PPWD1: variants seen among roughly 807,000 people sequenced by gnomAD.
PPWD1 encodes peptidylprolyl isomerase domain and WD repeat containing 1.
Under a neutral mutation model 68.8 loss-of-function variants are expected in PPWD1, and 43 were observed. That is an observed-to-expected ratio of 0.62 (90% CI 0.49 to 0.81). The LOEUF is 0.81. Ranked by LOEUF, PPWD1 falls within the 30% of genes least tolerant of loss-of-function variation. PPWD1 has a pLI of 0.00. For missense variants in PPWD1, 672 were observed against 804.8 expected (o/e 0.83, Z 2.00); for synonymous variants, 232 against 258.7 (o/e 0.90, Z 0.99).
At chr5:65,574,635 T>C (rs1455520504) in intron 5 of PPWD1, among the ~76,000 whole-genome samples, 1 of 151,404 alleles carries the variant, frequency 6.6e-6, no homozygotes, top group African/African-American at 2.4e-5. Flanking sequence ...GGCTAATTTT[T>C]TGTATTTTTA....
intron 6 of PPWD1, 37 bp from the exon 7 acceptor site, chr5:65,579,387 G>T: frequency 7.1e-7 from 1 of 1,413,392 alleles, no homozygotes; most frequent in Non-Finnish European, 9.3e-7. Flanking sequence ...AATTAACTTC[G>T]GTGATTCTGT....
intron 1 of PPWD1, chr5:65,563,947 T>G: frequency 9.5e-7 from 1 of 1,051,032 alleles, no homozygotes; most frequent in Middle Eastern, 2.0e-4. Flanking sequence ...CGAATCATGG[T>G]AGGTAAAGAT....
intron 7 of PPWD1, among the ~76,000 whole-genome samples, chr5:65,581,777 T>C (rs74323754): frequency 1.8e-3 from 274 of 152,332 alleles, no homozygotes; most frequent in African/African-American, 5.8e-3. Flanking sequence ...ACTGTAGCTT[T>C]ATACAGCTAA....
chr5:65,587,542 A>G lies in PPWD1; in HGVS notation c.*146A>G. 2.9e-6 allele frequency: 2 copies of G among 682,634 alleles called. No homozygotes were observed. The highest frequency in any genetic ancestry group is 4.4e-6 in the Non-Finnish European group (2 of 454,776). The allele number at this position is 682,634 out of a possible 1,614,324, so 42.3% of individuals were successfully genotyped here. A position where few individuals can be genotyped will look rare whatever the true frequency, so the allele number is the denominator to read the frequency against. ...TATTTTTTATTAAAGGCTATTTTTT[A>G]AAAATTACCTTTGACTTTTCTCGCA... On this transcript the variant is annotated 3_prime_UTR_variant, in exon 11 of 11. Coordinates refer to ENST00000261308, the MANE Select transcript of PPWD1 (RefSeq NM_015342.4).
At chr5:65,581,207 C>T (rs559329499) in intron 7 of PPWD1, among the ~76,000 whole-genome samples, 1 of 152,128 alleles carries the variant, frequency 6.6e-6, no homozygotes, top group African/African-American at 2.4e-5. Context: ...AAAATTATTA[C>T]TAAAAATTTA....
intron 7 of PPWD1, among the ~76,000 whole-genome samples, chr5:65,581,359 G>C (rs1345172664): frequency 5.9e-5 from 9 of 152,116 alleles, no homozygotes; most frequent in Non-Finnish European, 1.0e-4. Flanking sequence ...GGCCCAAGCA[G>C]AAAGATCATT....
chr5:65,584,342 T>A (rs1467745684), intron 8 of PPWD1, among the ~76,000 whole-genome samples: 2 of 152,152 alleles, frequency 1.3e-5, no homozygotes, highest in African/African-American at 2.4e-5. Context: ...CCGTATGAAA[T>A]AATTGCATAA....
At position 65,587,255 on chromosome 5, in the gene PPWD1, T is replaced by G; in HGVS notation, c.1800T>G (p.Pro600=). 6.2e-7 allele frequency: 1 copy of G among 1,606,744 alleles called. No homozygotes were observed. Among genetic ancestry groups the G allele is most frequent in the Non-Finnish European group, 8.5e-7 (1 of 1,175,910 alleles). ...TTTCCATTTGTCCTCCAACACAGCC[T>G]TGGCTTGATAATAAGCATACAGTAT... ...SQFFITVVPT[P]WLDNKHTVFG... is the part of the protein sequence containing the mutation. Residue 600 remains proline (P), a splice_region_variant and synonymous_variant, in exon 11 of 11, where the codon CCT becomes CCG. Transcript: ENST00000261308.
chr5:65,570,301 G>C (rs1581151054), intron 4 of PPWD1: 1 of 891,426 alleles, frequency 1.1e-6, no homozygotes, highest in Non-Finnish European at 1.3e-6. Context: ...GGTAGTTACA[G>C]TTAACTTCCT....
chr5:65,569,090 A>C (rs190816397), intron 2 of PPWD1: 1 of 451,614 alleles, frequency 2.2e-6, no homozygotes, highest in Non-Finnish European at 4.4e-6. Context: ...TAATATGTAC[A>C]AAGTACCTGA....
intron 10 of PPWD1, 86 bp downstream of exon 10, chr5:65,586,267 T>C (rs568411541): frequency 6.1e-4 from 776 of 1,264,908 alleles, no homozygotes; most frequent in Non-Finnish European, 7.9e-4. Context: ...TGCATTATTC[T>C]GTATTTTCTG....
chr5:65,574,181 CTG>C (rs1479722779), intron 5 of PPWD1, among the ~76,000 whole-genome samples: 2 of 152,156 alleles, frequency 1.3e-5, no homozygotes, highest in Non-Finnish European at 2.9e-5. Flanking sequence ...GGTTGTCTGT[CTG>C]TCTGAAGTAA....
Position 65,567,530 on chromosome 5 carries a change from G to C in PPWD1, c.214G>C (p.Val72Leu). The C allele has an allele frequency of 6.2e-7, 1 of 1,610,702 alleles. No homozygotes were observed. The highest frequency in any genetic ancestry group is 8.5e-7 in the Non-Finnish European group (1 of 1,178,080). ...KKRKVLEFER[V>L]YLDNLPSASM... ...TTCTTCAGTCTTAGAGTTTGAAAGAGTCTATCTTGATAATCTCCCCAGTGC... is the reference window on the plus strand; with the variant it reads ...TTCTTCAGTCTTAGAGTTTGAAAGACTCTATCTTGATAATCTCCCCAGTGC... Residue 72 changes from valine (V) to leucine (L), a missense_variant, in exon 2 of 11, where the codon GTC (valine) becomes CTC (leucine). By Grantham distance (32) the Val-to-Leu change is conservative. Around this residue, in one of 2 missense-constraint regions of PPWD1, gnomAD observed 188 missense variants for 158.6 expected, o/e 1.19. Transcript: ENST00000261308.
At chr5:65,583,310 C>G in intron 8 of PPWD1, 91 bp downstream of exon 8, 1 of 1,258,868 alleles carries the variant, frequency 7.9e-7, no homozygotes, top group Non-Finnish European at 1.1e-6. Flanking sequence ...ATTCCCGTTA[C>G]TTTGACTTAA....
chr5:65,563,627 C>T, intron 1 of PPWD1, 121 bp downstream of exon 1: 3 of 1,367,120 alleles, frequency 2.2e-6, no homozygotes, highest in South Asian at 1.4e-5. Flanking sequence ...AGAGGGCCGT[C>T]CTCTCACTTC....
chr5:65,571,777 G>A, intron 4 of PPWD1, 62 bp from the exon 5 acceptor site: 1 of 1,561,294 alleles, frequency 6.4e-7, no homozygotes, highest in Non-Finnish European at 8.6e-7. Flanking sequence ...AGTGGGATAG[G>A]GAGGGATGCT....
At position 65,584,890 on chromosome 5, in the gene PPWD1, C is replaced by A. The variant is rs1294338234; in HGVS notation, c.1533-124C>A. On this transcript the variant is annotated intron_variant, in intron 8 of 10. Coordinates refer to ENST00000261308, the MANE Select transcript of PPWD1 (RefSeq NM_015342.4). ...GATTAGAGATTATGAAAAAAAAAAA[C>A]AACTGTCCTTCTGAAACATTCAGAA... 1,685 of 881,050 alleles carry A rather than the reference C, an allele frequency of 1.9e-3. 1 individual carries two copies. The highest frequency in any genetic ancestry group is 1.8e-3 in the Non-Finnish European group (1,168 of 660,288). The allele number at this position is 881,050 out of a possible 1,614,324, so 54.6% of individuals were successfully genotyped here.
At chr5:65,575,491 G>A (rs1753239631) in intron 5 of PPWD1, among the ~76,000 whole-genome samples, 1 of 152,134 alleles carries the variant, frequency 6.6e-6, no homozygotes, top group Admixed American at 6.5e-5. Context: ...TTTGTATATA[G>A]TTCTAACCTT....
Position 65,587,339 on chromosome 5 carries a change from T to A in PPWD1, c.1884T>A (p.Asn628Lys). 6.2e-7 allele frequency: 1 copy of A among 1,612,770 alleles called. No individual in the cohort carries two copies. The highest frequency in any genetic ancestry group is 1.3e-5 in the African/African-American group (1 of 74,934). ...AGAGGATCTCCAACGTCAAAGTCAA[T>A]CCCAAAACAGATAAGCCCTATGAGG... ...VVQRISNVKV[N>K]PKTDKPYEDV... Residue 628 changes from asparagine to lysine, a missense_variant, in exon 11 of 11, where the codon AAT becomes AAA. This residue lies in a region of PPWD1 where 484 missense variants were observed against 646.2 expected (regional missense o/e 0.75). Transcript: ENST00000261308.
Sources: allele counts gnomAD v4.1 joint callset (sites outside exome capture counted in the v4.1 genomes callset), GRCh38; gene constraint gnomAD v4.1.1; regional missense constraint gnomAD v4.1.1; transcripts MANE v1.5; gene names NCBI Gene and HGNC (gene_info 2026-07-23, HGNC 2026-07-21).